Variants in ATP2B2 observed in about 807,000 individuals in gnomAD.
The protein encoded by ATP2B2 is ATPase plasma membrane Ca2+ transporting 2.
A neutral mutation model predicts 120.0 loss-of-function variants in ATP2B2; 15 were observed. The ratio of observed to expected loss-of-function variants is 0.12; its 90% CI spans 0.08 to 0.19. The LOEUF is 0.19. ATP2B2 is among the 10% of genes least tolerant of loss of function. ATP2B2 has a pLI of 1.00. For synonymous variants in ATP2B2, 694 were observed against 700.3 expected (o/e 0.99, Z 0.14); for missense variants, 1,045 against 1,719.8 (o/e 0.61, Z 6.94).
At chr3:10,353,053 G>C (rs886850239) in intron 14 of ATP2B2, among the ~76,000 whole-genome samples, 5 of 152,162 alleles carry the variant, frequency 3.3e-5, no homozygotes, top group African/African-American at 1.2e-4. Flanking sequence ...TCCCTCTAAT[G>C]CCCACTGCTC....
At chr3:10,592,978 G>GT (rs781405142) in intron 2 of ATP2B2, among the ~76,000 whole-genome samples, 1 of 152,070 alleles carries the variant, frequency 6.6e-6, no homozygotes, top group Non-Finnish European at 1.5e-5. Flanking sequence ...TAGAGATGAG[G>GT]TTTTTCCATG....
intron 1 of ATP2B2, among the ~76,000 whole-genome samples, chr3:10,459,177 C>T (rs1213761213): frequency 6.6e-6 from 1 of 152,260 alleles, no homozygotes; most frequent in Non-Finnish European, 1.5e-5. Flanking sequence ...TCTGTGACAT[C>T]CACTGCCCAC....
intron 1 of ATP2B2, among the ~76,000 whole-genome samples, chr3:10,502,537 G>A (rs1392658045): frequency 3.9e-5 from 6 of 152,344 alleles, no homozygotes; most frequent in African/African-American, 1.2e-4. Context: ...TACAGAACAC[G>A]GTGTGACCTT....
chr3:10,640,180 C>T (rs6442187), intron 1 of ATP2B2, among the ~76,000 whole-genome samples: 51,660 of 152,066 alleles, frequency 0.34, 13,984 homozygotes, highest in African/African-American at 0.75. Context: ...TACTCATCCA[C>T]AGGACAAGGA....
At chr3:10,531,772 C>T (rs1411121006) in intron 3 of ATP2B2, among the ~76,000 whole-genome samples, 1 of 152,138 alleles carries the variant, frequency 6.6e-6, no homozygotes, top group African/African-American at 2.4e-5. Context: ...GGGCTCATCG[C>T]AATGCCTGGC....
intron 3 of ATP2B2, among the ~76,000 whole-genome samples, chr3:10,405,886 T>TG (rs1346863914): frequency 6.6e-5 from 10 of 152,150 alleles, no homozygotes; most frequent in South Asian, 2.1e-4. Flanking sequence ...ACTCTGGCAC[T>TG]GGGGGAGCTG....
intron 5 of ATP2B2, chr3:10,394,604 C>A: frequency 2.2e-6 from 1 of 449,138 alleles, no homozygotes; most frequent in Non-Finnish European, 4.8e-6. Context: ...CGGTGTCGTC[C>A]TAGGCTCCCT....
At chr3:10,424,789 G>C (rs1163878822) in intron 2 of ATP2B2, among the ~76,000 whole-genome samples, 2 of 152,194 alleles carry the variant, frequency 1.3e-5, no homozygotes, top group African/African-American at 4.8e-5. Context: ...AAAGCAAGTT[G>C]CAGAACAATG....
At position 10,340,178 on chromosome 3, in the gene ATP2B2, T is replaced by C. The variant is rs1467935544; in HGVS notation, c.3237+64A>G. The C allele has an allele frequency of 6.7e-7, 1 of 1,494,316 alleles. No individual in the cohort carries two copies. The highest frequency in any genetic ancestry group is 1.4e-5 in the African/African-American group (1 of 72,532). 92.6% of individuals were successfully genotyped at this position (1,494,316 alleles called of 1,614,324 possible). On this transcript the variant is annotated intron_variant, in intron 21 of 22. Coordinates refer to ENST00000360273, the MANE Select transcript of ATP2B2 (RefSeq NM_001001331.4). This position sits in a 1 kb window ranked among gnomAD's most constrained non-coding sequence, Gnocchi z 5.0. Reference sequence around the variant, plus strand: ...GCCCATTCCTGGGGGTCCTGGATTCTCCATCCAGTGCTGTCTCCCTTGCCC... The same window carrying C: ...GCCCATTCCTGGGGGTCCTGGATTCCCCATCCAGTGCTGTCTCCCTTGCCC...
intron 2 of ATP2B2, among the ~76,000 whole-genome samples, chr3:10,615,999 A>G (rs148754296): frequency 1.1e-3 from 165 of 152,274 alleles, no homozygotes; most frequent in Non-Finnish European, 1.7e-3. Context: ...AGGTGTCTGC[A>G]TCACACCTCT....
intron 2 of ATP2B2, among the ~76,000 whole-genome samples, chr3:10,412,221 G>A (rs1024184191): frequency 2.0e-5 from 3 of 152,302 alleles, no homozygotes; most frequent in South Asian, 2.1e-4. Flanking sequence ...TAAACTCCCT[G>A]GTACTGGGGT....
intron 1 of ATP2B2, among the ~76,000 whole-genome samples, chr3:10,670,174 C>A (rs1656924437): frequency 6.6e-6 from 1 of 152,176 alleles, no homozygotes; most frequent in South Asian, 2.1e-4. Context: ...AGTATGTATT[C>A]CAGCACGGTA....
chr3:10,575,714 C>T (rs2068229136), intron 2 of ATP2B2, among the ~76,000 whole-genome samples: 1 of 152,062 alleles, frequency 6.6e-6, no homozygotes. Flanking sequence ...GGAGAATTTC[C>T]CCTGGGCTGC....
chr3:10,525,727 T>C (rs2067077863), intron 3 of ATP2B2, among the ~76,000 whole-genome samples: 1 of 152,188 alleles, frequency 6.6e-6, no homozygotes, highest in South Asian at 2.1e-4. Flanking sequence ...CAAGAAATAT[T>C]TTAATCTGGG....
chr3:10,387,746 C>A (rs2061722809), intron 6 of ATP2B2: 1 of 181,918 alleles, frequency 5.5e-6, no homozygotes. Flanking sequence ...AGAACTCAGA[C>A]AAGATGGTAG....
chr3:10,337,769 G>T (rs1001541913), intron 22 of ATP2B2, among the ~76,000 whole-genome samples: 2 of 152,056 alleles, frequency 1.3e-5, no homozygotes, highest in African/African-American at 2.4e-5. Context: ...CGCCCTGGGG[G>T]ACCCTGGGCG....
At chr3:10,336,319 C>T (rs910523467) in intron 22 of ATP2B2, 23 of 1,548,622 alleles carry the variant, frequency 1.5e-5, no homozygotes, top group Admixed American at 9.8e-5. Context: ...GAGGAGAGAA[C>T]GAGACAAGTT....
At chr3:10,695,251 G>GGGGAGAGA (rs796790324) in intron 1 of ATP2B2, among the ~76,000 whole-genome samples, 7 of 126,910 alleles carry the variant, frequency 5.5e-5, no homozygotes, top group African/African-American at 1.7e-4. Flanking sequence ...AGGGAGGGAG[G>GGGGAGAGA]GAGAGAGAGA....
At chr3:10,593,212 C>A (rs1368815758) in intron 2 of ATP2B2, among the ~76,000 whole-genome samples, 1 of 152,210 alleles carries the variant, frequency 6.6e-6, no homozygotes, top group Non-Finnish European at 1.5e-5. Flanking sequence ...AAAAATAAAT[C>A]AAAATCCATA....
Sources: allele counts gnomAD v4.1 joint callset (sites outside exome capture counted in the v4.1 genomes callset), GRCh38; gene constraint gnomAD v4.1.1; non-coding constraint Gnocchi (gnomAD v3.1); transcripts MANE v1.5; gene names NCBI Gene and HGNC (gene_info 2026-07-23, HGNC 2026-07-21).